The following PPIL2 variants were observed in gnomAD, a reference collection of about 807,000 sequenced individuals.
PPIL2 encodes the protein peptidylprolyl isomerase like 2.
A neutral mutation model predicts 75.2 loss-of-function variants in PPIL2; 50 were observed. That is an observed-to-expected ratio of 0.66 (90% CI 0.53 to 0.84). The LOEUF (loss-of-function observed/expected upper bound fraction) is 0.84. Among genes scored for constraint, PPIL2 ranks in the 40% least tolerant of loss-of-function variants. PPIL2 has a pLI of 0.00. For synonymous variants in PPIL2, 245 were observed against 258.8 expected (o/e 0.95, Z 0.51); for missense variants, 590 against 685.0 (o/e 0.86, Z 1.55).
chr22:21,666,294 C>T (rs947338231), intron 1 of PPIL2, among the ~76,000 whole-genome samples, 163 bp downstream of exon 1: 1 of 152,134 alleles, frequency 6.6e-6, no homozygotes, highest in African/African-American at 2.4e-5. Context: ...AGGGTAATGA[C>T]CCTCGGGCCG....
chr22:21,682,946 A>G (rs1012590878), intron 8 of PPIL2, among the ~76,000 whole-genome samples: 8 of 152,202 alleles, frequency 5.3e-5, no homozygotes, highest in African/African-American at 1.7e-4. Context: ...GCCTGGAGGA[A>G]GGTCACAGCT....
chr22:21,695,215 G>A, intron 19 of PPIL2, 145 bp downstream of exon 19: 1 of 1,359,218 alleles, frequency 7.4e-7, no homozygotes, highest in Admixed American at 2.6e-5. Context: ...TGCAGCCGAG[G>A]GACTGCCTCT....
At position 21,694,747 on chromosome 22, in the gene PPIL2, GC is replaced by G; in HGVS notation, c.1270-7del. ...ACCTGCCGTGCACTGAGCCCCCTTTGCTGCTAGGAGGAGATCCGCATTGATG... is the reference window on the plus strand; with the variant it reads ...ACCTGCCGTGCACTGAGCCCCCTTTGTGCTAGGAGGAGATCCGCATTGATG... On this transcript the variant is annotated splice_region_variant and splice_polypyrimidine_tract_variant and intron_variant, in intron 17 of 19. Transcript: ENST00000398831. 6.2e-7 allele frequency: 1 copy of G among 1,610,744 alleles called. No homozygotes were observed. Among genetic ancestry groups the G allele is most frequent in the Non-Finnish European group, 8.5e-7 (1 of 1,178,104 alleles).
In PPIL2 at chr22:21,681,327, C is replaced by T. The variant is rs758047468; in HGVS notation, c.324C>T (p.Thr108=). 1.2e-5 allele frequency: 20 copies of T among 1,613,948 alleles called. No homozygotes were observed. The highest frequency in any genetic ancestry group is 1.5e-5 in the Non-Finnish European group (18 of 1,179,932). The change falls in exon 7 of 20, where the codon ACC becomes ACT. Residue 108 remains threonine (T), a synonymous_variant. Transcript: ENST00000398831. ...EGKYHCPVLF[T]VFTNNTHIVA... ...AGTACCACTGCCCAGTGCTGTTTAC[C>T]GTGTTCACCAACAACACCCACATCG...
intron 9 of PPIL2, among the ~76,000 whole-genome samples, chr22:21,684,454 C>CAAAAAAAAAAAA (rs1028354500): frequency 1.5e-3 from 71 of 47,294 alleles, no homozygotes; most frequent in African/African-American, 3.2e-3. Flanking sequence ...TCCATCTCCA[C>CAAAAAAAAAAAA]AAAAAAAAAA....
chr22:21,684,689 C>A, intron 9 of PPIL2, 64 bp from the exon 10 acceptor site: 2 of 1,581,990 alleles, frequency 1.3e-6, no homozygotes, highest in South Asian at 1.1e-5. Flanking sequence ...ATCTGTGTCC[C>A]CAGCACGTGT....
intron 10 of PPIL2, chr22:21,685,541 A>T: frequency 2.6e-6 from 1 of 378,588 alleles, no homozygotes; most frequent in South Asian, 1.9e-5. Flanking sequence ...ATTCTGGAAA[A>T]TTTGAAAAAG....
intron 14 of PPIL2, among the ~76,000 whole-genome samples, 177 bp from the exon 15 acceptor site, chr22:21,688,555 G>A (rs958435411): frequency 3.3e-5 from 5 of 152,156 alleles, no homozygotes; most frequent in East Asian, 1.9e-4. Flanking sequence ...GTTTGGAGGC[G>A]TGGGGGCTCC....
In PPIL2 at chr22:21,696,986, G is replaced by A. The variant is rs1183933340; in HGVS notation, c.*1496G>A. 1 of 1,553,640 alleles carries A rather than the reference G, an allele frequency of 6.4e-7. No homozygotes were observed. Among genetic ancestry groups the A allele is most frequent in the African/African-American group, 1.4e-5 (1 of 73,126 alleles). Reference sequence around the variant, plus strand: ...TAAGAACAAGAACTGCGCCATGGCTGGCTCCTTCTCTTCTCCAGCCCATCC... The same window carrying A: ...TAAGAACAAGAACTGCGCCATGGCTAGCTCCTTCTCTTCTCCAGCCCATCC... On this transcript the variant is annotated 3_prime_UTR_variant, in exon 20 of 20. Coordinates refer to ENST00000398831, the MANE Select transcript of PPIL2 (RefSeq NM_014337.4).
intron 9 of PPIL2, among the ~76,000 whole-genome samples, chr22:21,684,399 C>G (rs892707157): frequency 1.4e-5 from 2 of 141,964 alleles, no homozygotes; most frequent in African/African-American, 5.5e-5. Flanking sequence ...TTGCAGTGAG[C>G]CGAGATTGCA....
At chr22:21,666,400 G>A (rs1262366434) in intron 1 of PPIL2, among the ~76,000 whole-genome samples, 1 of 152,170 alleles carries the variant, frequency 6.6e-6, no homozygotes, top group African/African-American at 2.4e-5. Context: ...ACCGTCCCCC[G>A]TCTGTTCGCG....
chr22:21,689,863 C>T (rs1198970329), intron 15 of PPIL2, among the ~76,000 whole-genome samples: 8 of 152,138 alleles, frequency 5.3e-5, no homozygotes, highest in African/African-American at 1.4e-4. Flanking sequence ...CTGGTCCTCC[C>T]GGGATTTGTG....
intron 1 of PPIL2, 106 bp from the exon 2 acceptor site, chr22:21,669,807 G>C: frequency 8.3e-7 from 1 of 1,205,270 alleles, no homozygotes. Flanking sequence ...CCCCATAGTA[G>C]GTATTTAGTA....
rs181821641 is a variant in PPIL2 at position 21,692,179 on chromosome 22, G to A, written c.1140-1637G>A. On this transcript the variant is annotated intron_variant, in intron 15 of 19. Coordinates refer to ENST00000398831, the MANE Select transcript of PPIL2 (RefSeq NM_014337.4). ...TCTTTTTTTTTTTTTTCTTTGAGAC[G>A]GAGTCTCGCTCCGTCCCCCAGGCTG... Among the ~76,000 whole-genome samples the A allele has an allele frequency of 2.2e-3, 327 of 150,460 alleles. 3 individuals are homozygous for A. Among genetic ancestry groups the A allele is most frequent in the Non-Finnish European group, 4.7e-4 (32 of 67,730 alleles).
chr22:21,670,231 A>C, intron 2 of PPIL2: 2 of 1,122,426 alleles, frequency 1.8e-6, no homozygotes, highest in East Asian at 2.8e-5. Flanking sequence ...ATACAAAATT[A>C]CATGTACATT....
At chr22:21,699,672 T>C (rs1039381838), downstream of PPIL2, 2 of 152,792 alleles carry the variant, frequency 1.3e-5, no homozygotes, top group East Asian at 1.9e-4. Context: ...TTTTAAACAT[T>C]CTGGCAAATG....
chr22:21,686,923 G>T lies in PPIL2; in HGVS notation c.822G>T (p.Gln274His), dbSNP rs1200522143. ...AAIDEDVLRY[Q>H]FVKKKGYVRL... The stretch of plus-strand genomic sequence containing the variant: ...TCGACGAGGATGTGCTGCGCTACCA[G>T]TTTGTGAAGAAGAAGGGCTACGTGC... The change falls in exon 12 of 20, where the codon CAG becomes CAT. Residue 274 changes from glutamine (Q) to histidine (H), a missense_variant. By Grantham distance (24) the Gln-to-His change is conservative. Coordinates refer to ENST00000398831, the MANE Select transcript of PPIL2 (RefSeq NM_014337.4). The T allele has an allele frequency of 9.9e-6, 16 of 1,614,018 alleles. No homozygotes were observed. The Admixed American group carries it at 2.7e-4, about 27-fold the overall frequency.
chr22:21,683,223 T>C lies in PPIL2; in HGVS notation c.519T>C (p.Tyr173=). Reference sequence around the variant, plus strand: ...ACAAGTTCAATGTCTCTAACTTCTATCATGTGAAGAATAACATGAAAATAA... The same window carrying C: ...ACAAGTTCAATGTCTCTAACTTCTACCATGTGAAGAATAACATGAAAATAA... ...NLDKFNVSNF[Y]HVKNNMKIID... The change falls in exon 9 of 20, where the codon TAT becomes TAC. Residue 173 remains tyrosine, a synonymous_variant. Transcript: ENST00000398831. 1 of 1,613,618 alleles carries C rather than the reference T, an allele frequency of 6.2e-7. No individual in the cohort carries two copies. The highest frequency in any genetic ancestry group is 1.1e-5 in the South Asian group (1 of 91,078).
intron 10 of PPIL2, among the ~76,000 whole-genome samples, 174 bp downstream of exon 10, chr22:21,685,087 GGGCTGCCCTGA>G (rs1400911883): frequency 6.6e-6 from 1 of 152,236 alleles, no homozygotes; most frequent in African/African-American, 2.4e-5. Context: ...CACAGCCCTG[GGGCTGCCCTGA>G]GGCAGATAGA....
Sources: gnomAD v4.1 joint callset for allele counts (sites outside exome capture counted in the v4.1 genomes callset) on GRCh38, gnomAD v4.1.1 for gene constraint, MANE v1.5 for transcripts, NCBI Gene and HGNC (gene_info 2026-07-23, HGNC 2026-07-21) for gene names.